RGCC: variants seen among roughly 807,000 people sequenced by gnomAD.
RGCC encodes regulator of cell cycle.
Under a neutral mutation model 15.4 loss-of-function variants are expected in RGCC, and 15 were observed. That is an observed-to-expected ratio of 0.97 (90% CI 0.65 to 1.50). The LOEUF (loss-of-function observed/expected upper bound fraction) is 1.50, where lower values mean the gene tolerates loss of function less well. Among genes scored for constraint, RGCC ranks in the 40% most tolerant of loss-of-function variants. The pLI is 0.00. For missense variants in RGCC, 176 were observed against 189.7 expected (o/e 0.93, Z 0.42); for synonymous variants, 81 against 78.0 (o/e 1.04, Z -0.20).
intron 2 of RGCC, among the ~76,000 whole-genome samples, chr13:41,464,664 C>T (rs1008182823): frequency 6.6e-6 from 1 of 152,188 alleles, no homozygotes; most frequent in Non-Finnish European, 1.5e-5. Flanking sequence ...ATGAGCAAGG[C>T]TGTTTGGTGT....
At chr13:41,466,014 C>T (rs77513966) in intron 2 of RGCC, among the ~76,000 whole-genome samples, 45 of 152,134 alleles carry the variant, frequency 3.0e-4, no homozygotes, top group South Asian at 8.3e-4. Context: ...CCTATCACCC[C>T]CTTCCTGTAT....
chr13:41,463,421 A>G (rs2043831337), intron 2 of RGCC, among the ~76,000 whole-genome samples: 1 of 142,894 alleles, frequency 7.0e-6, no homozygotes, highest in Non-Finnish European at 1.5e-5. Context: ...ACGGAAAGGG[A>G]GTGAAGTCAT....
intron 2 of RGCC, among the ~76,000 whole-genome samples, chr13:41,463,387 G>A (rs1346116328): frequency 6.6e-6 from 1 of 151,180 alleles, no homozygotes; most frequent in Non-Finnish European, 1.5e-5. Context: ...CTTGGAGTTG[G>A]GTCTGTCCCA....
At chr13:41,459,875 G>GTT (rs2043812014) in intron 2 of RGCC, among the ~76,000 whole-genome samples, 1 of 152,178 alleles carries the variant, frequency 6.6e-6, no homozygotes, top group African/African-American at 2.4e-5. Context: ...ATAGTGTGTC[G>GTT]CTGCTGCTCT....
In RGCC at chr13:41,462,637, C is replaced by T. The variant is rs189970894; in HGVS notation, c.235+4167C>T. Among the ~76,000 whole-genome samples, 97 of 152,244 alleles carry T rather than the reference C, an allele frequency of 6.4e-4. 1 individual carries two copies. Among genetic ancestry groups the T allele is most frequent in the Non-Finnish European group, 1.0e-3 (71 of 68,010 alleles). ...TATTAATAGCAGCACCTGATACCCACGCGGGGCAATAATACATGAATATGT... is the reference window on the plus strand; with the variant it reads ...TATTAATAGCAGCACCTGATACCCATGCGGGGCAATAATACATGAATATGT... On this transcript the variant is annotated intron_variant, in intron 2 of 4. Coordinates refer to ENST00000379359, the MANE Select transcript of RGCC (RefSeq NM_014059.3).
intron 2 of RGCC, among the ~76,000 whole-genome samples, chr13:41,463,281 A>G (rs983210834): frequency 6.6e-6 from 1 of 151,332 alleles, no homozygotes; most frequent in African/African-American, 2.4e-5. Flanking sequence ...CGATGTGTAG[A>G]TATCATCACA....
chr13:41,464,516 G>T (rs149855147), intron 2 of RGCC, among the ~76,000 whole-genome samples: 2 of 152,146 alleles, frequency 1.3e-5, no homozygotes, highest in Non-Finnish European at 2.9e-5. Context: ...AAGGTTCCAC[G>T]GAGTCCAAGG....
intron 3 of RGCC, 109 bp downstream of exon 3, chr13:41,467,039 A>G (rs775132022): frequency 2.7e-6 from 2 of 732,894 alleles, no homozygotes; most frequent in Non-Finnish European, 2.4e-6. Flanking sequence ...AATGTACAAA[A>G]CAAATAGGTA....
chr13:41,466,919 C>A lies in RGCC; in HGVS notation c.332C>A (p.Thr111Asn). 1 of 1,612,094 alleles carries A rather than the reference C, an allele frequency of 6.2e-7. No homozygotes were observed. Among genetic ancestry groups the A allele is most frequent in the Non-Finnish European group, 8.5e-7 (1 of 1,178,156 alleles). The change falls in exon 3 of 5, where the codon ACT (threonine) becomes AAT (asparagine). Residue 111 changes from threonine (T) to asparagine (N), a missense_variant. Thr to Asn is a moderately conservative substitution (Grantham distance 65, BLOSUM62 0). Transcript: ENST00000379359. The stretch of plus-strand genomic sequence containing the variant: ...CCAGCTCTTCTCTCTGCCACTGTCA[C>A]TCCTCAGAAAGGTAAGGTCATTAGT... ...STPALLSATVTPQKAKLGDTK... is the reference protein window; with the variant it reads ...STPALLSATVNPQKAKLGDTK...
At chr13:41,459,530 T>G (rs1165351965) in intron 2 of RGCC, among the ~76,000 whole-genome samples, 1 of 152,218 alleles carries the variant, frequency 6.6e-6, no homozygotes, top group African/African-American at 2.4e-5. Context: ...TGAGCTGCCC[T>G]TCTGCAAAGG....
chr13:41,461,922 G>T (rs1442391754), intron 2 of RGCC, among the ~76,000 whole-genome samples: 1 of 152,198 alleles, frequency 6.6e-6, no homozygotes, highest in African/African-American at 2.4e-5. Flanking sequence ...ATTCTGCATG[G>T]GTAATGGATC....
intron 2 of RGCC, among the ~76,000 whole-genome samples, chr13:41,460,315 C>T (rs2043815024): frequency 6.6e-6 from 1 of 152,130 alleles, no homozygotes; most frequent in Non-Finnish European, 1.5e-5. Flanking sequence ...TTAATTGCTG[C>T]CAAGAATTGA....
chr13:41,466,751 A>G, intron 2 of RGCC, 72 bp from the exon 3 acceptor site: 1 of 1,069,664 alleles, frequency 9.3e-7, no homozygotes, highest in East Asian at 2.4e-5. Context: ...TTGGTTATCA[A>G]TAGACTATAA....
chr13:41,458,396 A>G lies in RGCC; in HGVS notation c.161A>G (p.Glu54Gly). 1.2e-6 allele frequency: 2 copies of G among 1,600,638 alleles called. No homozygotes were observed. Among genetic ancestry groups the G allele is most frequent in the Non-Finnish European group, 8.5e-7 (1 of 1,178,602 alleles). The change falls in exon 2 of 5, where the codon GAG becomes GGG. Residue 54 changes from glutamate (E) to glycine (G), a missense_variant. Physicochemically the swap from Glu to Gly is moderately conservative, Grantham distance 98. Transcript: ENST00000379359. The surrounding 1 kb of genome is among the most constrained non-coding windows in gnomAD (Gnocchi z 4.4). ...SPFHERHFHY[E>G]EHLERMKRRS... ...TTCCACGAGCGCCACTTCCACTACG[A>G]GGAGCACCTGGAGCGCATGAAGCGG...
intron 2 of RGCC, among the ~76,000 whole-genome samples, chr13:41,466,289 ACACACACACACACTTTCTCTCT>A (rs1484858577): frequency 3.3e-5 from 5 of 150,202 alleles, no homozygotes; most frequent in Admixed American, 2.0e-4. Flanking sequence ...TTTCACACAA[ACACACACACACACTTTCTCTCT>A]CACACACACA....
Position 41,458,493 on chromosome 13 carries a change from T to C in RGCC, c.235+23T>C, listed in dbSNP as rs1411632142. On this transcript the variant is annotated intron_variant, in intron 2 of 4. Transcript: ENST00000379359. The surrounding 1 kb of genome is among the most constrained non-coding windows in gnomAD (Gnocchi z 4.4). ...AGAGTAAGTGCGGCCCCCGCTAGGA[T>C]GGCGCCGGGATCTCCCAGCTCCCAG... 1.1e-5 allele frequency: 17 copies of C among 1,580,110 alleles called. No homozygotes were observed. The highest frequency in any genetic ancestry group is 4.6e-5 in the East Asian group (2 of 43,364).
At chr13:41,469,397 G>A (rs867990736) in intron 4 of RGCC, among the ~76,000 whole-genome samples, 9 of 152,186 alleles carry the variant, frequency 5.9e-5, no homozygotes, top group Non-Finnish European at 8.8e-5. Flanking sequence ...GACCATGTGC[G>A]TTTCCAAACA....
In RGCC at chr13:41,458,424, C is replaced by T. The variant is rs2043804337; in HGVS notation, c.189C>T (p.Arg63=). Residue 63 remains arginine, a synonymous_variant, in exon 2 of 5, where the codon CGC becomes CGT. Coordinates refer to ENST00000379359, the MANE Select transcript of RGCC (RefSeq NM_014059.3). The surrounding 1 kb of genome is among the most constrained non-coding windows in gnomAD (Gnocchi z 4.4). ...AGCACCTGGAGCGCATGAAGCGGCG[C>T]AGCAGCGCCAGTGTCAGCGACAGCA... is the stretch of plus-strand genomic sequence containing the variant. ...YEEHLERMKR[R]SSASVSDSSG... is the part of the protein sequence containing the mutation. The T allele has an allele frequency of 6.2e-7, 1 of 1,601,708 alleles. No homozygotes were observed. Among genetic ancestry groups the T allele is most frequent in the Non-Finnish European group, 8.5e-7 (1 of 1,178,836 alleles).
chr13:41,462,713 C>T (rs929224591), intron 2 of RGCC, among the ~76,000 whole-genome samples: 1 of 152,190 alleles, frequency 6.6e-6, no homozygotes. Context: ...CTGGCTATTA[C>T]TTTTGCAAGG....
Sources: gnomAD v4.1 joint callset for allele counts (sites outside exome capture counted in the v4.1 genomes callset) on GRCh38, gnomAD v4.1.1 for gene constraint, Gnocchi (gnomAD v3.1) non-coding constraint, MANE v1.5 for transcripts, NCBI Gene and HGNC (gene_info 2026-07-23, HGNC 2026-07-21) for gene names.